MFN1: variants seen among roughly 807,000 people sequenced by gnomAD.
The protein encoded by MFN1 is mitofusin 1, also known as mitofusin-1.
Under a neutral mutation model 92.4 loss-of-function variants are expected in MFN1, and 65 were observed. The ratio of observed to expected loss-of-function variants is 0.70; its 90% CI spans 0.58 to 0.86. MFN1 has a LOEUF of 0.86. Among genes scored for constraint, MFN1 ranks in the 40% least tolerant of loss-of-function variants. The probability of loss-of-function intolerance (pLI) is 0.00; values close to 1 mark genes in which losing one functional copy is unlikely to be tolerated. For synonymous variants in MFN1, 297 were observed against 300.9 expected (o/e 0.99, Z 0.13); for missense variants, 781 against 868.0 (o/e 0.90, Z 1.26).
At chr3:179,391,071 A>G (rs1017233795) in intron 17 of MFN1, among the ~76,000 whole-genome samples, 2 of 152,194 alleles carry the variant, frequency 1.3e-5, no homozygotes, top group African/African-American at 4.8e-5. Flanking sequence ...CTCCTATTTT[A>G]AGTCAGCTCA....
At chr3:179,365,273 C>T (rs749428187) in intron 7 of MFN1, 48 bp downstream of exon 7, 27 of 1,043,142 alleles carry the variant, frequency 2.6e-5, no homozygotes, top group Non-Finnish European at 3.1e-5. Context: ...CAGTCACATA[C>T]ATTGTTATTT....
In MFN1 at chr3:179,386,602, G is replaced by A. The variant is rs1713694821; in HGVS notation, c.1985G>A (p.Ser662Asn). 6.2e-7 allele frequency: 1 copy of A among 1,612,606 alleles called. No homozygotes were observed. The highest frequency in any genetic ancestry group is 8.5e-7 in the Non-Finnish European group (1 of 1,179,608). Residue 662 changes from serine to asparagine, a missense_variant, in exon 16 of 18, where the codon AGT (serine) becomes AAT (asparagine). By Grantham distance (46) the Ser-to-Asn change is conservative (BLOSUM62 1). Transcript: ENST00000471841. ...EKLRMIVSST[S>N]ANCSHQVKQQ... ...CTGAGGATGATTGTTAGCTCCACGA[G>A]TGCAAACTGCAGTCACCAAGTAAAA...
chr3:179,356,780 C>A lies in MFN1; in HGVS notation c.249-2060C>A, dbSNP rs187353563. Among the ~76,000 whole-genome samples, 20 of 152,128 alleles carry A rather than the reference C, an allele frequency of 1.3e-4. No individual in the cohort carries two copies. The East Asian group carries it at 3.3e-3, about 25-fold the overall frequency. On this transcript the variant is annotated intron_variant, in intron 3 of 17. Coordinates refer to ENST00000471841, the MANE Select transcript of MFN1 (RefSeq NM_033540.3). Reference sequence around the variant, plus strand: ...GGAATCTGCATCATTAATGGGCTCCCCAGATGATTCTTATATGGGGTGGAG... The same window carrying A: ...GGAATCTGCATCATTAATGGGCTCCACAGATGATTCTTATATGGGGTGGAG...
intron 3 of MFN1, 94 bp downstream of exon 3, chr3:179,352,129 C>A: frequency 7.5e-7 from 1 of 1,325,174 alleles, no homozygotes; most frequent in South Asian, 1.8e-5. Flanking sequence ...CCTCCCCCAG[C>A]CCCGCAAGTT....
At chr3:179,384,553 A>G (rs967096807) in intron 14 of MFN1, among the ~76,000 whole-genome samples, 1 of 152,204 alleles carries the variant, frequency 6.6e-6, no homozygotes, top group South Asian at 2.1e-4. Flanking sequence ...CCTTTCTCAC[A>G]TATATGATTT....
chr3:179,374,547 TTAAATGGGTTGTTAGCTTGAAGATAAA>T (rs1232280122), intron 9 of MFN1, among the ~76,000 whole-genome samples: 2 of 151,850 alleles, frequency 1.3e-5, no homozygotes, highest in African/African-American at 4.8e-5. Flanking sequence ...AACAACTATT[TTAAATGGGTTGTTAGCTTGAAGATAAA>T]TGAGATAGGG....
intron 3 of MFN1, among the ~76,000 whole-genome samples, chr3:179,354,023 TTA>T (rs1290692027): frequency 6.6e-6 from 1 of 152,238 alleles, no homozygotes; most frequent in Non-Finnish European, 1.5e-5. Context: ...AGCTCTTATT[TTA>T]TGTTTTTATT....
chr3:179,388,900 T>C (rs368788616), intron 16 of MFN1, among the ~76,000 whole-genome samples: 1 of 152,228 alleles, frequency 6.6e-6, no homozygotes, highest in East Asian at 1.9e-4. Context: ...GTAGACTTCA[T>C]AGCAGGATGT....
intron 4 of MFN1, among the ~76,000 whole-genome samples, chr3:179,361,767 A>G (rs111424292): frequency 0.015 from 2,211 of 152,068 alleles, 61 homozygotes; most frequent in African/African-American, 0.051. Context: ...AAAACTCCTG[A>G]CCTCAGTTGA....
intron 3 of MFN1, among the ~76,000 whole-genome samples, chr3:179,353,738 A>G (rs528814416): frequency 2.6e-5 from 4 of 152,342 alleles, no homozygotes; most frequent in South Asian, 4.1e-4. Flanking sequence ...TTATTCAGCT[A>G]TCTGTGCTGT....
In MFN1 at chr3:179,348,905, T is replaced by G; in HGVS notation, c.54T>G (p.Ile18Met). The change falls in exon 2 of 18, where the codon ATT becomes ATG. Residue 18 changes from isoleucine to methionine, a missense_variant. Coordinates refer to ENST00000471841, the MANE Select transcript of MFN1 (RefSeq NM_033540.3). The part of the protein sequence containing the change: ...LKHFVLAKKA[I>M]TAIFDQLLEF... ...ACTTTGTGCTGGCTAAGAAGGCGAT[T>G]ACTGCAATCTTTGACCAGTTACTGG... The G allele has an allele frequency of 6.2e-7, 1 of 1,607,560 alleles. No individual in the cohort carries two copies. The highest frequency in any genetic ancestry group is 8.5e-7 in the Non-Finnish European group (1 of 1,174,784).
chr3:179,349,246 C>T (rs765147383), intron 2 of MFN1, among the ~76,000 whole-genome samples: 10 of 152,188 alleles, frequency 6.6e-5, no homozygotes, highest in South Asian at 6.2e-4. Flanking sequence ...TCACCACCAT[C>T]TGTCATTTTA....
At chr3:179,360,677 C>T (rs1017082581) in intron 4 of MFN1, among the ~76,000 whole-genome samples, 3 of 152,160 alleles carry the variant, frequency 2.0e-5, no homozygotes, top group Non-Finnish European at 4.4e-5. Context: ...ATCTCTTCCA[C>T]AAACACAAAA....
At position 179,348,939 on chromosome 3, in the gene MFN1, A is replaced by G. The variant is rs780754109; in HGVS notation, c.88A>G (p.Thr30Ala). The G allele has an allele frequency of 1.1e-5, 17 of 1,592,010 alleles. No homozygotes were observed. The highest frequency in any genetic ancestry group is 2.2e-5 in the South Asian group (2 of 90,038). ...AIFDQLLEFV[T>A]EGSHFVEATY... ...CTTTGACCAGTTACTGGAGTTTGTT[A>G]CTGAAGGATCACATTTTGTTGAAGG... Residue 30 changes from threonine to alanine, a missense_variant, in exon 2 of 18, where the codon ACT (threonine) becomes GCT (alanine). Physicochemically the swap from Thr to Ala is moderately conservative, Grantham distance 58. Coordinates refer to ENST00000471841, the MANE Select transcript of MFN1 (RefSeq NM_033540.3).
chr3:179,369,519 T>C (rs1712938272), intron 9 of MFN1, among the ~76,000 whole-genome samples: 1 of 152,254 alleles, frequency 6.6e-6, no homozygotes, highest in Non-Finnish European at 1.5e-5. Context: ...TACACATTTA[T>C]ACTGCTTCCA....
At position 179,365,248 on chromosome 3, in the gene MFN1, G is replaced by A. The variant is rs749659955; in HGVS notation, c.753+23G>A. On this transcript the variant is annotated intron_variant, in intron 7 of 17. Coordinates refer to ENST00000471841, the MANE Select transcript of MFN1 (RefSeq NM_033540.3). The stretch of plus-strand genomic sequence containing the variant: ...GACGTAAGTTGTTATTTTTTTTTTT[G>A]TAGGTTTTGAAATACAGTCACATAC... 17 of 1,318,238 alleles carry A rather than the reference G, an allele frequency of 1.3e-5. No individual in the cohort carries two copies. The South Asian group carries it at 2.5e-4, about 19-fold the overall frequency. 81.7% of individuals were successfully genotyped at this position (1,318,238 alleles called of 1,614,324 possible).
chr3:179,367,879 C>T (rs959429520), intron 8 of MFN1, among the ~76,000 whole-genome samples, 157 bp from the exon 9 acceptor site: 8 of 150,606 alleles, frequency 5.3e-5, no homozygotes, highest in East Asian at 3.9e-4. Context: ...GCCAAGATTG[C>T]GCCATTGCAC....
chr3:179,380,892 A>G (rs113700123), intron 14 of MFN1, among the ~76,000 whole-genome samples: 5 of 152,240 alleles, frequency 3.3e-5, no homozygotes, highest in African/African-American at 1.2e-4. Context: ...CACTACATTT[A>G]TTGATGATGA....
intron 3 of MFN1, among the ~76,000 whole-genome samples, chr3:179,353,383 T>A (rs1310189058): frequency 6.7e-6 from 1 of 149,048 alleles, no homozygotes; most frequent in Non-Finnish European, 1.5e-5. Context: ...AATTTTTATA[T>A]TTTTATTAGA....
Sources: allele counts gnomAD v4.1 joint callset (sites outside exome capture counted in the v4.1 genomes callset), GRCh38; gene constraint gnomAD v4.1.1; transcripts MANE v1.5; gene names NCBI Gene and HGNC (gene_info 2026-07-23, HGNC 2026-07-21).